AMMECR1: variants seen among roughly 807,000 people sequenced by gnomAD.
The protein encoded by AMMECR1 is AMMECR nuclear protein 1, also known as nuclear protein AMMECR1.
AMMECR1 carries 3 observed loss-of-function variants against 22.5 expected under a neutral mutation model. That is an observed-to-expected ratio of 0.13 (90% confidence interval 0.06 to 0.35). The LOEUF (loss-of-function observed/expected upper bound fraction) is 0.35, where lower values mean the gene tolerates loss of function less well. Among genes scored for constraint, AMMECR1 ranks in the 10% least tolerant of loss-of-function variants. The pLI, the probability that AMMECR1 is intolerant of heterozygous loss-of-function variation, is 1.00. For missense variants in AMMECR1, 235 were observed against 278.7 expected (o/e 0.84, Z 1.12); for synonymous variants, 130 against 116.7 (o/e 1.11, Z -0.74).
At chrX:110,405,092 C>G (rs771737327) in intron 2 of AMMECR1, among the ~76,000 whole-genome samples, 7 of 90,645 alleles carry the variant, frequency 7.7e-5, no homozygotes, top group East Asian at 6.9e-4. Context: ...GTTGTGTCCC[C>G]CCCCCCCCCA....
intron 1 of AMMECR1, among the ~76,000 whole-genome samples, chrX:110,281,980 T>C (rs1372710542): frequency 8.9e-6 from 1 of 111,930 alleles, no homozygotes; most frequent in African/African-American, 3.2e-5. Flanking sequence ...AATAGGTTAA[T>C]ATAAAAGAGT....
chrX:110,419,325 T>C (rs1474966892), intron 2 of AMMECR1, among the ~76,000 whole-genome samples: 1 of 112,534 alleles, frequency 8.9e-6, no homozygotes, highest in Non-Finnish European at 1.9e-5. Flanking sequence ...GCCCTTCCTC[T>C]TGCTTTTGGC....
At chrX:110,232,675 G>T (rs1328959043) in intron 2 of AMMECR1, among the ~76,000 whole-genome samples, 13 of 109,772 alleles carry the variant, frequency 1.2e-4, no homozygotes, top group Admixed American at 1.2e-3. Flanking sequence ...CAGATCACAA[G>T]GTCAGGAGAT....
At chrX:110,230,089 A>G (rs896629063) in intron 2 of AMMECR1, among the ~76,000 whole-genome samples, 2 of 112,954 alleles carry the variant, frequency 1.8e-5, no homozygotes, top group African/African-American at 3.2e-5. Context: ...CAGCTGAAGA[A>G]AAGGCAGCAG....
At chrX:110,235,625 A>G (rs1230516180) in intron 2 of AMMECR1, among the ~76,000 whole-genome samples, 1 of 112,446 alleles carries the variant, frequency 8.9e-6, no homozygotes, top group East Asian at 2.8e-4. Context: ...ATGGAGTACT[A>G]TGCAGCCATA....
chrX:110,298,428 G>T (rs1308210878), intron 1 of AMMECR1, among the ~76,000 whole-genome samples: 1 of 111,310 alleles, frequency 9.0e-6, no homozygotes, highest in African/African-American at 3.3e-5. Flanking sequence ...CCTATTACAA[G>T]TGGTTTCCCA....
intron 2 of AMMECR1, among the ~76,000 whole-genome samples, chrX:110,360,631 A>G (rs1385480282): frequency 8.9e-6 from 1 of 112,126 alleles, no homozygotes; most frequent in Non-Finnish European, 1.9e-5. Flanking sequence ...GCAAATGCTT[A>G]TGAATAGTGA....
At chrX:110,336,284 C>CCAGATCCGTGCTATT (rs1431408808) in intron 2 of AMMECR1, among the ~76,000 whole-genome samples, 5 of 111,593 alleles carry the variant, frequency 4.5e-5, no homozygotes, top group Non-Finnish European at 9.4e-5. Flanking sequence ...TAGAGATCAT[C>CCAGATCCGTGCTATT]CAGATCCGTG....
At chrX:110,380,963 A>G (rs2068414486) in intron 2 of AMMECR1, among the ~76,000 whole-genome samples, 1 of 112,543 alleles carries the variant, frequency 8.9e-6, no homozygotes, top group South Asian at 3.6e-4. Context: ...TAAAGACTTA[A>G]ATGTAAGACT....
chrX:110,345,510 A>C, intron 2 of AMMECR1, among the ~76,000 whole-genome samples: 1 of 109,150 alleles, frequency 9.2e-6, no homozygotes, highest in Non-Finnish European at 1.9e-5. Flanking sequence ...AAATATATAT[A>C]TATATATAAA....
At chrX:110,364,057 G>A (rs2068281334) in intron 2 of AMMECR1, among the ~76,000 whole-genome samples, 1 of 111,454 alleles carries the variant, frequency 9.0e-6, no homozygotes, top group African/African-American at 3.3e-5. Context: ...GAGGCCAGAA[G>A]TTCAAAATCA....
intron 1 of AMMECR1, among the ~76,000 whole-genome samples, chrX:110,283,116 C>G (rs2067861510): frequency 8.9e-6 from 1 of 111,890 alleles, no homozygotes; most frequent in Admixed American, 9.5e-5. Context: ...CAGGAAGAAA[C>G]TTCTGAGTCC....
At chrX:110,400,324 A>G (rs1002084266) in intron 2 of AMMECR1, among the ~76,000 whole-genome samples, 1 of 108,001 alleles carries the variant, frequency 9.3e-6, no homozygotes, top group Non-Finnish European at 1.9e-5. Context: ...TATTCACTTC[A>G]GTTGCCAAAA....
At chrX:110,359,762 TA>T (rs1225926568) in intron 2 of AMMECR1, among the ~76,000 whole-genome samples, 1 of 111,919 alleles carries the variant, frequency 8.9e-6, no homozygotes, top group East Asian at 2.8e-4. Context: ...GGTCTCACCA[TA>T]AAAAGTTAAA....
chrX:110,341,793 G>A (rs369294806), intron 2 of AMMECR1, among the ~76,000 whole-genome samples: 16 of 112,556 alleles, frequency 1.4e-4, no homozygotes, highest in African/African-American at 4.5e-4. Flanking sequence ...GGCCAGGCTC[G>A]GTGGCTCACG....
At chrX:110,409,646 GTT>G (rs113947141) in intron 2 of AMMECR1, among the ~76,000 whole-genome samples, 1 of 101,233 alleles carries the variant, frequency 9.9e-6, no homozygotes. Flanking sequence ...TGCTGCTGCT[GTT>G]TTTTTTTTTT....
chrX:110,267,146 CAT>C (rs748219771), intron 1 of AMMECR1, among the ~76,000 whole-genome samples: 2 of 111,673 alleles, frequency 1.8e-5, no homozygotes, highest in East Asian at 5.6e-4. Context: ...CTGCAATAAA[CAT>C]ATGTGTGCAT....
In AMMECR1 at chrX:110,314,834, T is replaced by C. The variant is rs190512730; in HGVS notation, c.473+2765A>G. ...AAGAATTTGTATCCATACAGCTTGT[T>C]CATATATTGACATCCCCTCAATACT... On this transcript the variant is annotated intron_variant, in intron 1 of 5. Transcript: ENST00000262844. 1.5e-4 allele frequency among the ~76,000 whole-genome samples: 17 copies of C among 112,107 alleles called. No homozygotes were observed. In the Admixed American group the frequency reaches 1.6e-3, roughly 11 times the overall value.
At chrX:110,202,908 C>G (rs1419721140) in intron 3 of AMMECR1, among the ~76,000 whole-genome samples, 1 of 111,823 alleles carries the variant, frequency 8.9e-6, no homozygotes, top group African/African-American at 3.2e-5. Flanking sequence ...AAAGAGATAG[C>G]AAACAACCAT....
Sources: allele counts gnomAD v4.1 joint callset (sites outside exome capture counted in the v4.1 genomes callset), GRCh38; gene constraint gnomAD v4.1.1; transcripts MANE v1.5; gene names NCBI Gene and HGNC (gene_info 2026-07-23, HGNC 2026-07-21).